The following KDM6A variants were observed in gnomAD, a reference collection of about 807,000 sequenced individuals.
KDM6A encodes the protein lysine-specific demethylase 6A.
Under a neutral mutation model 117.6 loss-of-function variants are expected in KDM6A, and 11 were observed. The observed-to-expected ratio is 0.09, with a 90% CI of 0.06 to 0.15. The LOEUF is 0.15. Among genes scored for constraint, KDM6A ranks in the 10% least tolerant of loss-of-function variants. The pLI, the probability that KDM6A is intolerant of heterozygous loss-of-function variation, is 1.00. For synonymous variants in KDM6A, 384 were observed against 396.1 expected (o/e 0.97, Z 0.36); for missense variants, 799 against 1,077.3 (o/e 0.74, Z 3.62).
intron 2 of KDM6A, among the ~76,000 whole-genome samples, chrX:44,900,465 C>T (rs747587087): frequency 3.7e-4 from 41 of 112,002 alleles, no homozygotes; most frequent in Non-Finnish European, 4.3e-4. Context: ...ATGATTTTAT[C>T]CTTTTTTCTG....
In KDM6A at chrX:44,910,964, C is replaced by T. The variant is rs1043413882; in HGVS notation, c.225+36977C>T. Among the ~76,000 whole-genome samples the T allele has an allele frequency of 2.3e-3, 261 of 112,570 alleles. 1 individual carries two copies. The highest frequency in any genetic ancestry group is 2.9e-3 in the Non-Finnish European group (155 of 53,183). On this transcript the variant is annotated intron_variant, in intron 2 of 29. Coordinates refer to ENST00000611820, the MANE Select transcript of KDM6A (RefSeq NM_001291415.2). Reference sequence around the variant, plus strand: ...TCCCCACATTTACCCCTTTTCTATTCGACAAAACCGCCATCGTCATCATGG... The same window carrying T: ...TCCCCACATTTACCCCTTTTCTATTTGACAAAACCGCCATCGTCATCATGG...
chrX:44,980,635 CATTT>C (rs2039861713), intron 4 of KDM6A, among the ~76,000 whole-genome samples: 1 of 101,109 alleles, frequency 9.9e-6, no homozygotes, highest in Admixed American at 1.1e-4. Flanking sequence ...TATATAGGAA[CATTT>C]ATTATTGCAT....
chrX:45,051,514 TGTTAGG>T lies in KDM6A; in HGVS notation c.655-194_655-189del, dbSNP rs1256334681. Among the ~76,000 whole-genome samples, 14 of 112,225 alleles carry T rather than the reference TGTTAGG, an allele frequency of 1.2e-4. No individual in the cohort carries two copies. The South Asian group carries it at 1.8e-3, about 15-fold the overall frequency. ...TTATAGTGAATGTCAGTTTTACTGG[TGTTAGG>T]TACTCTGGAACAAGGCTTATTACTC... is the stretch of plus-strand genomic sequence containing the variant. On this transcript the variant is annotated intron_variant, in intron 8 of 29. Coordinates refer to ENST00000611820, the MANE Select transcript of KDM6A (RefSeq NM_001291415.2).
At chrX:45,042,916 C>G (rs748201658) in intron 8 of KDM6A, among the ~76,000 whole-genome samples, 1 of 112,906 alleles carries the variant, frequency 8.9e-6, no homozygotes, top group Non-Finnish European at 1.9e-5. Context: ...TTATGGAATA[C>G]CACTTTACCT....
intron 20 of KDM6A, 77 bp from the exon 21 acceptor site, chrX:45,079,068 CT>C: frequency 6.9e-6 from 6 of 873,556 alleles, no homozygotes; most frequent in African/African-American, 2.1e-5. Flanking sequence ...TACCTTCTTC[CT>C]TTAAAAAAAA....
chrX:44,894,725 C>T (rs755475401), intron 2 of KDM6A, among the ~76,000 whole-genome samples: 9 of 107,712 alleles, frequency 8.4e-5, no homozygotes, highest in African/African-American at 2.7e-4. Context: ...AAGTGATTCT[C>T]CTGCCTCAGC....
Position 44,873,207 on chromosome X carries a change from G to T in KDM6A, c.-345G>T, listed in dbSNP as rs1400321838. The T allele has an allele frequency of 1.2e-5, 3 of 260,774 alleles. No homozygotes were observed. Among genetic ancestry groups the T allele is most frequent in the Non-Finnish European group, 2.0e-5 (3 of 150,151 alleles). 21.5% of individuals were successfully genotyped at this position (260,774 alleles called of 1,213,427 possible). A position where few individuals can be genotyped will look rare whatever the true frequency, so the allele number is the denominator to read the frequency against. On this transcript the variant is annotated 5_prime_UTR_variant, in exon 1 of 30. Transcript: ENST00000611820. ...ACAATTACAACAACTTTGTGCTGGTGCCGGGGAAGTTTGTGTCTCCAACGA... is the reference window on the plus strand; with the variant it reads ...ACAATTACAACAACTTTGTGCTGGTTCCGGGGAAGTTTGTGTCTCCAACGA...
chrX:44,902,079 T>A (rs1009573086), intron 2 of KDM6A, among the ~76,000 whole-genome samples: 1 of 110,547 alleles, frequency 9.0e-6, no homozygotes, highest in Non-Finnish European at 1.9e-5. Flanking sequence ...ATACAAAAAT[T>A]AGTTGGGTAT....
intron 4 of KDM6A, among the ~76,000 whole-genome samples, chrX:44,984,976 G>T (rs1453754995): frequency 1.8e-5 from 2 of 110,149 alleles, no homozygotes; most frequent in Non-Finnish European, 3.8e-5. Flanking sequence ...GATGGGGATG[G>T]CATTGAATCT....
intron 2 of KDM6A, among the ~76,000 whole-genome samples, chrX:44,926,254 C>G (rs1205701683): frequency 2.7e-5 from 3 of 110,781 alleles, no homozygotes; most frequent in Non-Finnish European, 5.7e-5. Context: ...TGTATTTTTA[C>G]TAGAGACAGG....
intron 17 of KDM6A, 85 bp from the exon 18 acceptor site, chrX:45,069,494 A>T: frequency 1.1e-6 from 1 of 895,258 alleles, no homozygotes; most frequent in Non-Finnish European, 1.6e-6. Flanking sequence ...ATTTATTTTT[A>T]GTGGCTTTTC....
intron 8 of KDM6A, among the ~76,000 whole-genome samples, chrX:45,038,163 C>G (rs1286098313): frequency 9.0e-6 from 1 of 111,302 alleles, no homozygotes; most frequent in African/African-American, 3.3e-5. Context: ...GTGGAGGTTG[C>G]AGTGAGCTGA....
rs928798661 is a variant in KDM6A, at chrX:45,011,772, A to AT, written c.443+756dup. Among the ~76,000 whole-genome samples the AT allele has an allele frequency of 1.1e-4, 12 of 110,883 alleles. No individual in the cohort carries two copies. In the East Asian group the frequency reaches 1.7e-3, roughly 16 times the overall value. ...TCCTCTTTAGTTTGTTTATTTATTT[A>AT]TTTATTTATTTTATTTATTTATTTA... On this transcript the variant is annotated intron_variant, in intron 5 of 29. Transcript: ENST00000611820.
intron 2 of KDM6A, among the ~76,000 whole-genome samples, chrX:44,881,649 C>G (rs1259580438): frequency 9.8e-6 from 1 of 102,321 alleles, no homozygotes; most frequent in African/African-American, 3.6e-5. Flanking sequence ...TGAATGTATT[C>G]TTGTATGCTT....
intron 2 of KDM6A, among the ~76,000 whole-genome samples, chrX:44,946,114 C>T (rs895310402): frequency 1.8e-5 from 2 of 112,359 alleles, no homozygotes; most frequent in African/African-American, 6.5e-5. Flanking sequence ...TCTTTTCTTT[C>T]GAGATGAAGT....
intron 6 of KDM6A, among the ~76,000 whole-genome samples, chrX:45,028,503 T>C (rs2042468977): frequency 8.9e-6 from 1 of 112,249 alleles, no homozygotes; most frequent in Non-Finnish European, 1.9e-5. Context: ...GTTTATTTTC[T>C]TTGATTTAAA....
rs2147999339 is a variant in KDM6A at position 45,063,765 on chromosome X, T to C, written c.2027T>C (p.Leu676Pro). Residue 676 changes from leucine to proline, a missense_variant, in exon 17 of 30, where the codon CTG (leucine) becomes CCG (proline). Coordinates refer to ENST00000611820, the MANE Select transcript of KDM6A (RefSeq NM_001291415.2). ...ACTCTACCTCATAACCGCACAAACC[T>C]GACCAGCAGCGCAGAGGAGCCGTGG... Reference protein sequence around the residue: ...ALTLPHNRTNLTSSAEEPWKN... With the variant: ...ALTLPHNRTNPTSSAEEPWKN... The C allele has an allele frequency of 8.3e-7, 1 of 1,206,599 alleles. No individual in the cohort carries two copies. The highest frequency in any genetic ancestry group is 1.1e-6 in the Non-Finnish European group (1 of 892,673).
At chrX:44,893,062 C>CTA (rs1336041103) in intron 2 of KDM6A, among the ~76,000 whole-genome samples, 4 of 106,733 alleles carry the variant, frequency 3.7e-5, no homozygotes, top group Non-Finnish European at 7.7e-5. Context: ...TAAGTCCCAG[C>CTA]TACTTGGTAG....
At position 44,873,364 on chromosome X, in the gene KDM6A, G is replaced by A; in HGVS notation, c.-188G>A. 5.2e-6 allele frequency: 3 copies of A among 573,410 alleles called. No homozygotes were observed. The highest frequency in any genetic ancestry group is 2.8e-5 in the African/African-American group (1 of 36,060). The allele number at this position is 573,410 out of a possible 1,213,427, so 47.3% of individuals were successfully genotyped here. A position where few individuals can be genotyped will look rare whatever the true frequency, so the allele number is the denominator to read the frequency against. ...CCGCTGCCGACCCGGGGGCTCCGCAGCCCCTGCCGCCGCCGCCGCCGCCTT... is the reference window on the plus strand; with the variant it reads ...CCGCTGCCGACCCGGGGGCTCCGCAACCCCTGCCGCCGCCGCCGCCGCCTT... On this transcript the variant is annotated 5_prime_UTR_variant, in exon 1 of 30. Transcript: ENST00000611820.
Sources: allele counts gnomAD v4.1 joint callset (sites outside exome capture counted in the v4.1 genomes callset), GRCh38; gene constraint gnomAD v4.1.1; transcripts MANE v1.5; gene names NCBI Gene and HGNC (gene_info 2026-07-23, HGNC 2026-07-21).